The following GALNT13 variants were observed in gnomAD, a reference collection of about 807,000 sequenced individuals.
GALNT13 encodes the protein polypeptide N-acetylgalactosaminyltransferase 13.
Under a neutral mutation model 64.2 loss-of-function variants are expected in GALNT13, and 28 were observed. The ratio of observed to expected loss-of-function variants is 0.44; its 90% CI spans 0.32 to 0.60. GALNT13 has a LOEUF of 0.60. Among genes scored for constraint, GALNT13 ranks in the 20% least tolerant of loss-of-function variants. The probability of loss-of-function intolerance (pLI) is 0.05; values close to 1 mark genes in which losing one functional copy is unlikely to be tolerated. For missense variants in GALNT13, 577 were observed against 669.8 expected, an observed-to-expected ratio of 0.86 and a Z score of 1.53; for synonymous variants, 214 against 224.6, an observed-to-expected ratio of 0.95 and a Z score of 0.42.
intron 8 of GALNT13, among the ~76,000 whole-genome samples, chr2:154,298,300 C>A (rs1191545733): frequency 6.7e-6 from 1 of 149,354 alleles, no homozygotes; most frequent in Non-Finnish European, 1.5e-5. Flanking sequence ...GTATTTTTTA[C>A]AGTAGGTCAA....
chr2:154,115,275 A>AT (rs1208495206), intron 3 of GALNT13, among the ~76,000 whole-genome samples: 3 of 151,942 alleles, frequency 2.0e-5, no homozygotes, highest in Non-Finnish European at 4.4e-5. Flanking sequence ...AACTATTAGG[A>AT]TTTTTTATTT....
the GALNT13 span, among the ~76,000 whole-genome samples, chr2:153,435,404 A>G: frequency 7.9e-5 from 12 of 152,158 alleles, no homozygotes; most frequent in East Asian, 1.9e-4. Flanking sequence ...CATTGAATCT[A>G]TAAATTACCT....
the GALNT13 span, among the ~76,000 whole-genome samples, chr2:153,530,253 G>GA: frequency 1.6e-4 from 23 of 144,600 alleles, no homozygotes; most frequent in East Asian, 4.0e-4. Context: ...AGGTGAAAAA[G>GA]AAAAAAAAAA....
the GALNT13 span, among the ~76,000 whole-genome samples, chr2:153,514,057 A>T: frequency 6.6e-6 from 1 of 151,864 alleles, no homozygotes; most frequent in African/African-American, 2.4e-5. Flanking sequence ...AAAGTTTTTA[A>T]TTTTTTTTCT....
the GALNT13 span, among the ~76,000 whole-genome samples, chr2:153,321,901 G>GA: frequency 6.6e-6 from 1 of 151,942 alleles, no homozygotes. Context: ...GTTTCATGAG[G>GA]AAAAAGAGTC....
chr2:154,285,488 T>G (rs1692211848), intron 8 of GALNT13, among the ~76,000 whole-genome samples: 1 of 152,192 alleles, frequency 6.6e-6, no homozygotes, highest in African/African-American at 2.4e-5. Flanking sequence ...CTTTCCCTCA[T>G]TATGTGTTCT....
chr2:153,358,353 T>G, the GALNT13 span, among the ~76,000 whole-genome samples: 8 of 152,168 alleles, frequency 5.3e-5, no homozygotes, highest in African/African-American at 1.9e-4. Context: ...CAGAAGGTAA[T>G]GTAGAACCAA....
the GALNT13 span, among the ~76,000 whole-genome samples, chr2:153,576,438 T>C: frequency 6.6e-6 from 1 of 152,182 alleles, no homozygotes; most frequent in Non-Finnish European, 1.5e-5. Context: ...ACAGCTAGGA[T>C]CTGGGGATTT....
chr2:153,278,453 T>G, the GALNT13 span, among the ~76,000 whole-genome samples: 1 of 152,166 alleles, frequency 6.6e-6, no homozygotes, highest in African/African-American at 2.4e-5. Context: ...GAGTGGTGTT[T>G]CCCAGGTTTT....
chr2:153,671,661 A>T, the GALNT13 span, among the ~76,000 whole-genome samples: 1 of 152,226 alleles, frequency 6.6e-6, no homozygotes, highest in Non-Finnish European at 1.5e-5. Flanking sequence ...CAAAATAAAC[A>T]GCTAGCATCA....
chr2:154,227,704 T>C (rs1688696197), intron 4 of GALNT13, among the ~76,000 whole-genome samples: 1 of 151,916 alleles, frequency 6.6e-6, no homozygotes, highest in African/African-American at 2.4e-5. Context: ...TGTTTATGTG[T>C]ACCTGGGGCA....
chr2:153,549,896 C>T, the GALNT13 span, among the ~76,000 whole-genome samples: 1 of 152,162 alleles, frequency 6.6e-6, no homozygotes, highest in Non-Finnish European at 1.5e-5. Context: ...TCTTTATATC[C>T]TCCTTTTCAT....
the GALNT13 span, among the ~76,000 whole-genome samples, chr2:153,363,057 A>G: frequency 2.0e-5 from 3 of 152,204 alleles, no homozygotes; most frequent in East Asian, 1.9e-4. Context: ...GTGCAATCAA[A>G]TTAGAACTCA....
the GALNT13 span, among the ~76,000 whole-genome samples, chr2:153,683,458 T>G: frequency 1.8e-3 from 266 of 151,810 alleles, no homozygotes; most frequent in African/African-American, 6.2e-3. Flanking sequence ...CTTTAAAAAT[T>G]TTATCTTGAG....
the GALNT13 span, among the ~76,000 whole-genome samples, chr2:153,219,330 A>G: frequency 1.3e-5 from 2 of 152,354 alleles, no homozygotes; most frequent in African/African-American, 4.8e-5. Context: ...TCTCTGGTTC[A>G]TGGACAGAAA....
chr2:154,150,755 T>G (rs1384281450), intron 4 of GALNT13, among the ~76,000 whole-genome samples: 1 of 152,254 alleles, frequency 6.6e-6, no homozygotes, highest in Non-Finnish European at 1.5e-5. Context: ...AGTTTGTTTT[T>G]CTGTGGGATC....
the GALNT13 span, among the ~76,000 whole-genome samples, chr2:153,617,789 G>C: frequency 6.6e-6 from 1 of 151,748 alleles, no homozygotes; most frequent in East Asian, 1.9e-4. Context: ...TTGTTAGGCT[G>C]TATGTGTCCA....
At chr2:154,148,967 A>G (rs1013552677) in intron 4 of GALNT13, among the ~76,000 whole-genome samples, 1 of 152,092 alleles carries the variant, frequency 6.6e-6, no homozygotes, top group Admixed American at 6.5e-5. Context: ...TTTTGTTGCC[A>G]TTGCTTTTGG....
the GALNT13 span, among the ~76,000 whole-genome samples, chr2:153,403,187 G>T: frequency 1.3e-4 from 20 of 150,316 alleles, no homozygotes; most frequent in East Asian, 2.0e-4. Flanking sequence ...GTACCCTGCC[G>T]TGTGAGGTGT....
Sources: allele counts gnomAD v4.1 joint callset (sites outside exome capture counted in the v4.1 genomes callset), GRCh38; gene constraint gnomAD v4.1.1; transcripts MANE v1.5; gene names NCBI Gene and HGNC (gene_info 2026-07-23, HGNC 2026-07-21).